CCDC141: variants seen among roughly 807,000 people sequenced by gnomAD.
The protein encoded by CCDC141 is coiled-coil domain containing 141.
Under a neutral mutation model 181.0 loss-of-function variants are expected in CCDC141, and 168 were observed. The observed-to-expected ratio is 0.93, with a 90% confidence interval of 0.82 to 1.05. The LOEUF is 1.05. Among genes scored for constraint, CCDC141 ranks in the 50% least tolerant of loss-of-function variants. The probability of loss-of-function intolerance (pLI) is 0.00; values close to 1 mark genes in which losing one functional copy is unlikely to be tolerated. For synonymous variants in CCDC141, 666 were observed against 642.3 expected (o/e 1.04, Z -0.56); for missense variants, 1,902 against 1,788.5 (o/e 1.06, Z -1.14).
chr2:178,955,445 GA>G (rs1307280682), intron 5 of CCDC141, among the ~76,000 whole-genome samples: 1 of 152,012 alleles, frequency 6.6e-6, no homozygotes, highest in Non-Finnish European at 1.5e-5. Flanking sequence ...ATAATATTAA[GA>G]AATCGAAGCA....
chr2:178,827,153 C>A (rs970330166), downstream of CCDC141, among the ~76,000 whole-genome samples: 2 of 152,044 alleles, frequency 1.3e-5, no homozygotes, highest in Admixed American at 6.5e-5. Flanking sequence ...ACAGGTATTT[C>A]TGGATTTTTG....
intron 2 of CCDC141, among the ~76,000 whole-genome samples, chr2:179,045,571 C>T (rs936315612): frequency 1.2e-4 from 18 of 151,700 alleles, no homozygotes; most frequent in African/African-American, 3.4e-4. Context: ...GTTCTAGATC[C>T]CTGAGGAGTC....
In CCDC141 at chr2:178,837,030, C is replaced by A; in HGVS notation, c.4189G>T (p.Ala1397Ser). 1.2e-6 allele frequency: 2 copies of A among 1,614,016 alleles called. No individual in the cohort carries two copies. Among genetic ancestry groups the A allele is most frequent in the Non-Finnish European group, 1.7e-6 (2 of 1,179,960 alleles). Reference sequence around the variant, plus strand: ...GCTAGGCTGACCACGCTGCTCTTTGCTGATGTGCTTTTAATCTCTTCTCGA... The same window carrying A: ...GCTAGGCTGACCACGCTGCTCTTTGATGATGTGCTTTTAATCTCTTCTCGA... Reference protein sequence around the residue: ...VPREEIKSTSAKSSVVSLADQ... With the variant: ...VPREEIKSTSSKSSVVSLADQ... The change falls in exon 23 of 24, where the codon GCA becomes TCA. Residue 1397 changes from alanine to serine, a missense_variant. Coordinates refer to ENST00000443758, the MANE Select transcript of CCDC141 (RefSeq NM_173648.4).
chr2:178,899,719 T>C (rs1003821451), intron 8 of CCDC141, among the ~76,000 whole-genome samples: 1 of 152,180 alleles, frequency 6.6e-6, no homozygotes, highest in African/African-American at 2.4e-5. Flanking sequence ...GCTATTGTGA[T>C]GTTCAACAAT....
downstream of CCDC141, among the ~76,000 whole-genome samples, chr2:178,825,840 G>A (rs1209580034): frequency 6.6e-6 from 1 of 152,130 alleles, no homozygotes; most frequent in Non-Finnish European, 1.5e-5. Flanking sequence ...CTGCTTTGGT[G>A]ATTTTGCTAT....
the CCDC141 span, among the ~76,000 whole-genome samples, chr2:178,823,892 G>A: frequency 2.0e-5 from 3 of 152,118 alleles, no homozygotes; most frequent in Non-Finnish European, 2.9e-5. Flanking sequence ...CTCTCTGTAT[G>A]ATACCACTGT....
chr2:178,914,377 G>A lies in CCDC141; in HGVS notation c.1092+4336C>T, dbSNP rs570795464. ...AGTATATCAGATTCTTGAGTTATAT[G>A]GCTCACTCCACTTGAATCCAGTGGT... On this transcript the variant is annotated intron_variant, in intron 7 of 23. Transcript: ENST00000443758. Among the ~76,000 whole-genome samples, 6 of 152,264 alleles carry A rather than the reference G, an allele frequency of 3.9e-5. No homozygotes were observed. The East Asian group carries it at 7.7e-4, about 20-fold the overall frequency.
intron 8 of CCDC141, among the ~76,000 whole-genome samples, chr2:178,890,874 C>T (rs754786735): frequency 3.3e-5 from 5 of 151,576 alleles, no homozygotes; most frequent in African/African-American, 4.8e-5. Context: ...AATACATTCT[C>T]GCAACAGACA....
intron 8 of CCDC141, among the ~76,000 whole-genome samples, chr2:178,903,961 T>G (rs1159510484): frequency 6.6e-6 from 1 of 152,080 alleles, no homozygotes; most frequent in African/African-American, 2.4e-5. Flanking sequence ...CAAATCAATG[T>G]CCGACATGTA....
At chr2:179,040,175 A>G (rs1051445967) in intron 2 of CCDC141, among the ~76,000 whole-genome samples, 5 of 152,174 alleles carry the variant, frequency 3.3e-5, no homozygotes, top group African/African-American at 1.2e-4. Context: ...AGACTGGCAC[A>G]TTGTGGTAAG....
At position 178,996,113 on chromosome 2, in the gene CCDC141, G is replaced by A. The variant is rs1369786745; in HGVS notation, c.226-17438C>T. Among the ~76,000 whole-genome samples, 7 of 147,996 alleles carry A rather than the reference G, an allele frequency of 4.7e-5. No homozygotes were observed. The South Asian group carries it at 1.3e-3, about 27-fold the overall frequency. On this transcript the variant is annotated intron_variant, in intron 2 of 23. Coordinates refer to ENST00000443758, the MANE Select transcript of CCDC141 (RefSeq NM_173648.4). ...TTTTTTTTTTTTTTGGTGAGATGGAGTCTCACTCTGTCACCCATGCTGGAG... is the reference window on the plus strand; with the variant it reads ...TTTTTTTTTTTTTTGGTGAGATGGAATCTCACTCTGTCACCCATGCTGGAG...
rs1487531606 is a variant in CCDC141 at position 178,988,715 on chromosome 2, AAG to A, written c.226-10042_226-10041del. On this transcript the variant is annotated intron_variant, in intron 2 of 23. Transcript: ENST00000443758. ...CATAATAGTCAAAACAATCTTGAAA[AAG>A]AACAAATTCGGAGGACTCACACTTC... 2.6e-5 allele frequency among the ~76,000 whole-genome samples: 4 copies of A among 152,294 alleles called. No homozygotes were observed. In the East Asian group the frequency reaches 7.7e-4, roughly 29 times the overall value.
chr2:179,038,877 T>A (rs1480956446), intron 2 of CCDC141, among the ~76,000 whole-genome samples: 1 of 152,158 alleles, frequency 6.6e-6, no homozygotes, highest in Non-Finnish European at 1.5e-5. Flanking sequence ...ACTCTTACAG[T>A]CATAATTCCC....
At position 178,981,683 on chromosome 2, in the gene CCDC141, T is replaced by TAG. The variant is rs67399348; in HGVS notation, c.226-3010_226-3009dup. ...ACATACATATATACATATATATATA[T>TAG]AGAGAGAGAGAGAGAGAGAAAAAAA... On this transcript the variant is annotated intron_variant, in intron 2 of 23. Coordinates refer to ENST00000443758, the MANE Select transcript of CCDC141 (RefSeq NM_173648.4). 1.3e-4 allele frequency among the ~76,000 whole-genome samples: 15 copies of TAG among 119,584 alleles called. No homozygotes were observed. The South Asian group carries it at 3.2e-3, about 26-fold the overall frequency. 78.5% of individuals were successfully genotyped at this position (119,584 alleles called of 152,430 possible).
intron 1 of CCDC141, 54 bp from the exon 2 acceptor site, chr2:179,047,460 T>C: frequency 2.2e-6 from 3 of 1,362,802 alleles, no homozygotes; most frequent in Non-Finnish European, 2.9e-6. Flanking sequence ...TTCCTTCCTC[T>C]TCACCCTTCT....
chr2:178,900,850 G>A (rs1687652227), intron 8 of CCDC141, among the ~76,000 whole-genome samples: 2 of 152,152 alleles, frequency 1.3e-5, no homozygotes, highest in African/African-American at 4.8e-5. Context: ...AGAAAAACAA[G>A]TACATGAGCA....
At chr2:179,045,245 G>A (rs1479408667) in intron 2 of CCDC141, among the ~76,000 whole-genome samples, 3 of 143,624 alleles carry the variant, frequency 2.1e-5, no homozygotes, top group South Asian at 2.3e-4. Flanking sequence ...TCCCACCTAT[G>A]AGTGAGAATA....
At position 179,000,835 on chromosome 2, in the gene CCDC141, T is replaced by C. The variant is rs531503463; in HGVS notation, c.226-22160A>G. Among the ~76,000 whole-genome samples, 10 of 152,336 alleles carry C rather than the reference T, an allele frequency of 6.6e-5. No homozygotes were observed. The East Asian group carries it at 1.9e-3, about 29-fold the overall frequency. ...CACAAGGCTTGATGCAATTGCTACATTGTTCTCCAGAAAGTTTGTACCAAT... is the reference window on the plus strand; with the variant it reads ...CACAAGGCTTGATGCAATTGCTACACTGTTCTCCAGAAAGTTTGTACCAAT... On this transcript the variant is annotated intron_variant, in intron 2 of 23. Transcript: ENST00000443758.
chr2:178,988,011 C>G lies in CCDC141; in HGVS notation c.226-9336G>C, dbSNP rs1283610520. 8.0e-4 allele frequency among the ~76,000 whole-genome samples: 121 copies of G among 151,890 alleles called. 2 individuals carry two copies. The highest frequency in any genetic ancestry group is 2.8e-3 in the African/African-American group (114 of 41,430). Reference sequence around the variant, plus strand: ...TATAAATCATGCTGCTATAAAGACACATGCACACGTATGTTTACTGCGGCA... The same window carrying G: ...TATAAATCATGCTGCTATAAAGACAGATGCACACGTATGTTTACTGCGGCA... On this transcript the variant is annotated intron_variant, in intron 2 of 23. Coordinates refer to ENST00000443758, the MANE Select transcript of CCDC141 (RefSeq NM_173648.4).
Sources: gnomAD v4.1 joint callset for allele counts (sites outside exome capture counted in the v4.1 genomes callset) on GRCh38, gnomAD v4.1.1 for gene constraint, MANE v1.5 for transcripts, NCBI Gene and HGNC (gene_info 2026-07-23, HGNC 2026-07-21) for gene names.